The following JPH1 variants were observed in gnomAD, a reference collection of about 807,000 sequenced individuals.
JPH1 encodes junctophilin-1.
In JPH1, 12 loss-of-function variants were observed where a neutral mutation model predicts 53.6. The ratio of observed to expected loss-of-function variants is 0.22; its 90% CI spans 0.14 to 0.36. The LOEUF (loss-of-function observed/expected upper bound fraction) is 0.36. JPH1 is among the 10% of genes least tolerant of loss of function. The pLI, the probability that JPH1 is intolerant of heterozygous loss-of-function variation, is 1.00. For missense variants in JPH1, 808 were observed against 905.5 expected, an observed-to-expected ratio of 0.89 and a Z score of 1.38; for synonymous variants, 375 against 363.8, an observed-to-expected ratio of 1.03 and a Z score of -0.35.
chr8:74,302,564 C>A (rs1216797496), intron 2 of JPH1, among the ~76,000 whole-genome samples: 1 of 152,138 alleles, frequency 6.6e-6, no homozygotes, highest in African/African-American at 2.4e-5. Context: ...GCAGTCCATG[C>A]CTGCTATGGA....
chr8:74,294,636 T>C (rs1349572107), intron 2 of JPH1, among the ~76,000 whole-genome samples: 1 of 152,212 alleles, frequency 6.6e-6, no homozygotes, highest in African/African-American at 2.4e-5. Flanking sequence ...GTTGTTTACA[T>C]ATTCATCTGT....
At chr8:74,297,245 G>C (rs370831079) in intron 2 of JPH1, among the ~76,000 whole-genome samples, 2 of 152,208 alleles carry the variant, frequency 1.3e-5, no homozygotes, top group African/African-American at 4.8e-5. Flanking sequence ...CGACGGGCAA[G>C]GAGTCCTCTC....
At chr8:74,292,274 T>C (rs946310985) in intron 2 of JPH1, among the ~76,000 whole-genome samples, 9 of 152,350 alleles carry the variant, frequency 5.9e-5, no homozygotes, top group Middle Eastern at 3.4e-3. Flanking sequence ...TGTGGAATGT[T>C]CCACTACTAA....
chr8:74,312,499 C>T (rs1349578092), intron 2 of JPH1, among the ~76,000 whole-genome samples: 1 of 152,198 alleles, frequency 6.6e-6, no homozygotes, highest in Non-Finnish European at 1.5e-5. Context: ...ATCCTTCTGC[C>T]TCAGCATACC....
intron 2 of JPH1, among the ~76,000 whole-genome samples, chr8:74,264,274 T>G (rs1262576237): frequency 6.6e-6 from 1 of 152,230 alleles, no homozygotes; most frequent in Non-Finnish European, 1.5e-5. Context: ...ATCTTCACCA[T>G]CTATTCATTA....
chr8:74,289,146 T>C (rs998643837), intron 2 of JPH1, among the ~76,000 whole-genome samples: 4 of 152,246 alleles, frequency 2.6e-5, no homozygotes, highest in Admixed American at 6.5e-5. Flanking sequence ...CAACCTTCAG[T>C]AACGGGAAAG....
In JPH1 at chr8:74,246,656, C is replaced by G. The variant is rs376811620; in HGVS notation, c.1259-1481G>C. ...TTTCAGAAAAAAACATAATGCAACA[C>G]ATAATATTTTAAAGCCAGAGACAAG... On this transcript the variant is annotated intron_variant, in intron 3 of 5. Transcript: ENST00000342232. Among the ~76,000 whole-genome samples, 3 of 152,078 alleles carry G rather than the reference C, an allele frequency of 2.0e-5. No homozygotes were observed. The South Asian group carries it at 6.2e-4, about 32-fold the overall frequency.
intron 2 of JPH1, among the ~76,000 whole-genome samples, chr8:74,281,080 T>C (rs1807004806): frequency 6.6e-6 from 1 of 152,218 alleles, no homozygotes; most frequent in Admixed American, 6.5e-5. Context: ...ATAATTAAAA[T>C]GTTATGGGGA....
intron 2 of JPH1, among the ~76,000 whole-genome samples, chr8:74,288,713 G>A (rs946227198): frequency 1.3e-5 from 2 of 152,216 alleles, no homozygotes; most frequent in Non-Finnish European, 2.9e-5. Context: ...GTCATCTTTG[G>A]TAAATACCAA....
chr8:74,247,627 A>T (rs1030337955), intron 3 of JPH1, among the ~76,000 whole-genome samples: 2 of 152,168 alleles, frequency 1.3e-5, no homozygotes, highest in Non-Finnish European at 2.9e-5. Context: ...TGGAGGGAAA[A>T]GGTAAAGAGT....
chr8:74,284,341 C>G (rs985149291), intron 2 of JPH1, among the ~76,000 whole-genome samples: 5 of 152,210 alleles, frequency 3.3e-5, no homozygotes, highest in African/African-American at 1.2e-4. Flanking sequence ...GAATGCACAT[C>G]TGCTGAGAAG....
intron 4 of JPH1, 41 bp downstream of exon 4, chr8:74,244,488 A>G: frequency 6.5e-7 from 1 of 1,548,094 alleles, no homozygotes. Flanking sequence ...GAAAGAAACA[A>G]AGGGAAGAAA....
rs746042450 is a variant in JPH1, at chr8:74,321,326, G to A, written c.-39C>T. 7 of 1,490,498 alleles carry A rather than the reference G, an allele frequency of 4.7e-6. No homozygotes were observed. The Admixed American group carries it at 1.6e-4, about 33-fold the overall frequency. The allele number at this position is 1,490,498 out of a possible 1,614,324, so 92.3% of individuals were successfully genotyped here. A position where few individuals can be genotyped will look rare whatever the true frequency, so the allele number is the denominator to read the frequency against. On this transcript the variant is annotated 5_prime_UTR_variant, in exon 1 of 6. Coordinates refer to ENST00000342232, the MANE Select transcript of JPH1 (RefSeq NM_020647.4). This position sits in a 1 kb window ranked among gnomAD's most constrained non-coding sequence, Gnocchi z 4.3. ...CCGGCGCGCTCCCCGCAGGGGCACGGACGCGGGCAGTGCTGGGCACGGCAG... is the reference window on the plus strand; with the variant it reads ...CCGGCGCGCTCCCCGCAGGGGCACGAACGCGGGCAGTGCTGGGCACGGCAG...
intron 3 of JPH1, among the ~76,000 whole-genome samples, chr8:74,248,886 G>A (rs991090632): frequency 6.6e-6 from 1 of 152,188 alleles, no homozygotes; most frequent in African/African-American, 2.4e-5. Flanking sequence ...TATTGCCAGG[G>A]AGGGAAATTA....
chr8:74,286,656 C>T (rs1398001708), intron 2 of JPH1, among the ~76,000 whole-genome samples: 2 of 152,232 alleles, frequency 1.3e-5, no homozygotes, highest in Non-Finnish European at 2.9e-5. Flanking sequence ...ATGTCTGTAA[C>T]TCTATAAAAC....
At chr8:74,258,665 A>C (rs1317333435) in intron 3 of JPH1, among the ~76,000 whole-genome samples, 1 of 152,216 alleles carries the variant, frequency 6.6e-6, no homozygotes. Flanking sequence ...AAAAAGTCAC[A>C]GTACTGACTG....
intron 2 of JPH1, among the ~76,000 whole-genome samples, chr8:74,279,270 G>C (rs987766037): frequency 6.6e-6 from 1 of 152,232 alleles, no homozygotes; most frequent in African/African-American, 2.4e-5. Flanking sequence ...TTCTTTGGGA[G>C]CTGAGCTAAA....
intron 3 of JPH1, among the ~76,000 whole-genome samples, chr8:74,246,876 C>G (rs553588913): frequency 2.0e-5 from 3 of 152,164 alleles, no homozygotes; most frequent in Non-Finnish European, 2.9e-5. Flanking sequence ...TGACAATTTT[C>G]TTTTAATTCC....
chr8:74,276,987 T>C (rs1806867534), intron 2 of JPH1, among the ~76,000 whole-genome samples: 1 of 152,248 alleles, frequency 6.6e-6, no homozygotes. Flanking sequence ...GATTGTTAGC[T>C]ACACTAGTTT....
Sources: gnomAD v4.1 joint callset for allele counts (sites outside exome capture counted in the v4.1 genomes callset) on GRCh38, gnomAD v4.1.1 for gene constraint, Gnocchi (gnomAD v3.1) non-coding constraint, MANE v1.5 for transcripts, NCBI Gene and HGNC (gene_info 2026-07-23, HGNC 2026-07-21) for gene names.